ALMS1: variants seen among roughly 807,000 people sequenced by gnomAD.
ALMS1 encodes the protein ALMS1 centrosome and basal body associated protein, also known as centrosome-associated protein ALMS1.
ALMS1 carries 271 observed loss-of-function variants against 352.2 expected under a neutral mutation model. The observed-to-expected ratio is 0.77, with a 90% CI of 0.70 to 0.85. The LOEUF is 0.85. ALMS1 is among the 40% of genes least tolerant of loss of function. The pLI, the probability that ALMS1 is intolerant of heterozygous loss-of-function variation, is 0.00. For missense variants in ALMS1, 5,445 were observed against 4,870.7 expected, an observed-to-expected ratio of 1.12 and a Z score of -3.51; for synonymous variants, 1,865 against 1,761.2, an observed-to-expected ratio of 1.06 and a Z score of -1.48.
At position 73,451,120 on chromosome 2, in the gene ALMS1, C is replaced by T; in HGVS notation, c.4593C>T (p.Gly1531=). 6.2e-7 allele frequency: 1 copy of T among 1,613,324 alleles called. No individual in the cohort carries two copies. Among genetic ancestry groups the T allele is most frequent in the African/African-American group, 1.3e-5 (1 of 74,756 alleles). Residue 1531 remains glycine (G), a synonymous_variant, in exon 8 of 23, where the codon GGC becomes GGT. Coordinates refer to ENST00000613296, the MANE Select transcript of ALMS1 (RefSeq NM_001378454.1). ...ACTCACAACATAGAGCAAAGTCTGG[C>T]AGTTTCTACCAACTGGCATTGCTAG... ...PSYSQHRAKS[G]SFYQLALLGS... is the part of the protein sequence containing the mutation.
intron 10 of ALMS1, among the ~76,000 whole-genome samples, chr2:73,514,309 C>G (rs1673511671): frequency 6.6e-6 from 1 of 151,694 alleles, no homozygotes; most frequent in Non-Finnish European, 1.5e-5. Context: ...TCTCTATTGG[C>G]TTCTTTTACT....
intron 9 of ALMS1, among the ~76,000 whole-genome samples, chr2:73,487,249 G>C (rs546655043): frequency 4.6e-5 from 7 of 152,200 alleles, no homozygotes; most frequent in Non-Finnish European, 1.0e-4. Flanking sequence ...GCATGAGCCA[G>C]GTGTGGAGTG....
At chr2:73,460,764 T>G (rs1672175740) in intron 9 of ALMS1, among the ~76,000 whole-genome samples, 1 of 152,222 alleles carries the variant, frequency 6.6e-6, no homozygotes. Flanking sequence ...TCCGACGGGC[T>G]TAAAAAACGG....
chr2:73,484,706 G>A (rs1355901167), intron 9 of ALMS1, among the ~76,000 whole-genome samples: 1 of 151,924 alleles, frequency 6.6e-6, no homozygotes, highest in Non-Finnish European at 1.5e-5. Context: ...TCACTTTCAG[G>A]TACACCAATC....
At chr2:73,399,427 G>C (rs1670827480) in intron 1 of ALMS1, among the ~76,000 whole-genome samples, 1 of 152,052 alleles carries the variant, frequency 6.6e-6, no homozygotes, top group Admixed American at 6.6e-5. Flanking sequence ...CTTCTGGTGA[G>C]CTTACAATCA....
rs1674562240 is a variant in ALMS1, at chr2:73,557,086, T to C, written c.10079-134T>C. 5 of 1,174,644 alleles carry C rather than the reference T, an allele frequency of 4.3e-6. No homozygotes were observed. The East Asian group carries it at 1.2e-4, about 28-fold the overall frequency. 72.8% of individuals were successfully genotyped at this position (1,174,644 alleles called of 1,614,324 possible). A position where few individuals can be genotyped will look rare whatever the true frequency, so the allele number is the denominator to read the frequency against. Reference sequence around the variant, plus strand: ...ATTCATGTCACAGTTTTTACACAGGTGGAGCCTAAGAGGTACTTTTTTCCT... The same window carrying C: ...ATTCATGTCACAGTTTTTACACAGGCGGAGCCTAAGAGGTACTTTTTTCCT... On this transcript the variant is annotated intron_variant, in intron 13 of 22. Coordinates refer to ENST00000613296, the MANE Select transcript of ALMS1 (RefSeq NM_001378454.1).
chr2:73,537,236 G>A (rs1674047562), intron 12 of ALMS1, among the ~76,000 whole-genome samples: 3 of 152,180 alleles, frequency 2.0e-5, no homozygotes, highest in Admixed American at 2.0e-4. Context: ...TAAACTAACT[G>A]GAAAGCTTAA....
At chr2:73,474,260 AAAC>A (rs1672533820) in intron 9 of ALMS1, among the ~76,000 whole-genome samples, 1 of 152,084 alleles carries the variant, frequency 6.6e-6, no homozygotes, top group African/African-American at 2.4e-5. Flanking sequence ...AATTTTTTTA[AAAC>A]AAGTGTTTCC....
At chr2:73,481,365 T>C (rs1447872015) in intron 9 of ALMS1, among the ~76,000 whole-genome samples, 21 of 152,300 alleles carry the variant, frequency 1.4e-4, no homozygotes, top group South Asian at 1.2e-3. Flanking sequence ...TTTCTCAGGT[T>C]TGTCAAAGAT....
At chr2:73,409,013 C>T (rs1370816380) in intron 2 of ALMS1, among the ~76,000 whole-genome samples, 1 of 151,414 alleles carries the variant, frequency 6.6e-6, no homozygotes, top group African/African-American at 2.4e-5. Flanking sequence ...GCTGGGACTA[C>T]AGACATATAC....
chr2:73,389,657 G>A (rs1670602490), intron 1 of ALMS1, among the ~76,000 whole-genome samples: 1 of 152,076 alleles, frequency 6.6e-6, no homozygotes, highest in Non-Finnish European at 1.5e-5. Context: ...CAGCCAATGT[G>A]AGAAAATTAT....
At chr2:73,606,047 C>G (rs1158315657) in intron 21 of ALMS1, among the ~76,000 whole-genome samples, 2 of 152,098 alleles carry the variant, frequency 1.3e-5, no homozygotes, top group Non-Finnish European at 2.9e-5. Context: ...GAAGCAGATA[C>G]AAGTCCAGCT....
At chr2:73,504,312 C>T (rs1673275592) in intron 10 of ALMS1, among the ~76,000 whole-genome samples, 1 of 152,180 alleles carries the variant, frequency 6.6e-6, no homozygotes, top group Admixed American at 6.5e-5. Context: ...AATTTAAACA[C>T]ATGTATAGCT....
chr2:73,444,893 A>G (rs1472926188), intron 7 of ALMS1, among the ~76,000 whole-genome samples: 6 of 152,192 alleles, frequency 3.9e-5, no homozygotes, highest in African/African-American at 1.4e-4. Context: ...AATACAACAC[A>G]ATTATAATTA....
At chr2:73,580,330 T>C (rs1675148129) in intron 16 of ALMS1, among the ~76,000 whole-genome samples, 1 of 152,232 alleles carries the variant, frequency 6.6e-6, no homozygotes, top group Admixed American at 6.5e-5. Flanking sequence ...CTTTCATCTG[T>C]GTGATCAAAT....
intron 7 of ALMS1, among the ~76,000 whole-genome samples, chr2:73,434,423 C>G (rs1170477754): frequency 6.6e-6 from 1 of 152,066 alleles, no homozygotes; most frequent in Non-Finnish European, 1.5e-5. Flanking sequence ...TATGTTTCAT[C>G]TGGTTCAATT....
intron 16 of ALMS1, among the ~76,000 whole-genome samples, chr2:73,576,624 CTT>C (rs60798625): frequency 0.017 from 2,373 of 142,494 alleles, 57 homozygotes; most frequent in African/African-American, 0.058. Context: ...TTTTCTTTTT[CTT>C]TTTTTTTTTT....
chr2:73,572,768 C>A lies in ALMS1; in HGVS notation c.10891C>A (p.Arg3631Ser). 6.2e-7 allele frequency: 1 copy of A among 1,614,024 alleles called. No homozygotes were observed. The highest frequency in any genetic ancestry group is 8.5e-7 in the Non-Finnish European group (1 of 1,179,984). ...ACTGTCCTTGGTGGACCGACTTGAT[C>A]GTTTGGCTAAAATTCTTCAGAATCC... ...KELSLVDRLD[R>S]LAKILQNPIT... Residue 3631 changes from arginine to serine, a missense_variant, in exon 16 of 23, where the codon CGT becomes AGT. Arg to Ser is a moderately radical substitution (Grantham distance 110). Transcript: ENST00000613296.
At position 73,489,885 on chromosome 2, in the gene ALMS1, T is replaced by C. The variant is rs749406009; in HGVS notation, c.7926T>C (p.Val2642=). The C allele has an allele frequency of 5.0e-6, 8 of 1,614,118 alleles. No homozygotes were observed. Among genetic ancestry groups the C allele is most frequent in the African/African-American group, 1.3e-5 (1 of 74,934 alleles). The change falls in exon 10 of 23, where the codon GTT becomes GTC. Residue 2642 remains valine, a synonymous_variant. Transcript: ENST00000613296. The part of the protein sequence containing the change: ...SLDQNNSHFK[V]WNSLQLKSHS... ...ACCAGAACAACTCCCATTTCAAAGT[T>C]TGGAATTCCTTGCAGTTAAAAAGTC...
Sources: gnomAD v4.1 joint callset for allele counts (sites outside exome capture counted in the v4.1 genomes callset) on GRCh38, gnomAD v4.1.1 for gene constraint, MANE v1.5 for transcripts, NCBI Gene and HGNC (gene_info 2026-07-23, HGNC 2026-07-21) for gene names.